Variants in PCDHGA8 observed in about 807,000 individuals in gnomAD.
PCDHGA8 encodes the protein protocadherin gamma subfamily A, 8.
PCDHGA8 carries 45 observed loss-of-function variants against 59.2 expected under a neutral mutation model. That is an observed-to-expected ratio of 0.76 (90% CI 0.60 to 0.98). The LOEUF is 0.98. Among genes scored for constraint, PCDHGA8 ranks in the 50% least tolerant of loss-of-function variants. The pLI, the probability that PCDHGA8 is intolerant of heterozygous loss-of-function variation, is 0.00. For missense variants in PCDHGA8, 1,257 were observed against 1,196.2 expected (o/e 1.05, Z -0.75); for synonymous variants, 531 against 519.0 (o/e 1.02, Z -0.32).
rs1205262995 is a variant in PCDHGA8, at chr5:141,394,475, C to T, written c.1662C>T (p.Asp554=). The T allele has an allele frequency of 6.2e-7, 1 of 1,614,242 alleles. No individual in the cohort carries two copies. The highest frequency in any genetic ancestry group is 1.1e-5 in the South Asian group (1 of 91,090). The change falls in exon 1 of 4, where the codon GAC becomes GAT. Residue 554 remains aspartate, a synonymous_variant. Coordinates refer to ENST00000398604, the MANE Select transcript of PCDHGA8 (RefSeq NM_032088.2). The part of the protein sequence containing the change: ...SNMSLSLFVL[D]QNDNAPEILY... ...TGTCACTGAGCCTGTTCGTGCTGGA[C>T]CAGAATGACAACGCGCCCGAGATCC... is the stretch of plus-strand genomic sequence containing the variant.
chr5:141,434,178 G>C (rs960680568), intron 1 of PCDHGA8, among the ~76,000 whole-genome samples: 1 of 152,178 alleles, frequency 6.6e-6, no homozygotes, highest in African/African-American at 2.4e-5. Flanking sequence ...TTATATCCAA[G>C]ATTTGTAATT....
At chr5:141,471,504 G>A (rs1487198851) in intron 1 of PCDHGA8, 1 of 152,214 alleles carries the variant, frequency 6.6e-6, no homozygotes, top group Non-Finnish European at 1.5e-5. Flanking sequence ...ATGCAAGAGA[G>A]GGAGTAAAAA....
rs765756193 is a variant in PCDHGA8, at chr5:141,511,105, C to T, written c.2731C>T (p.Arg911Trp). The T allele has an allele frequency of 2.8e-5, 46 of 1,614,196 alleles. No individual in the cohort carries two copies. In the East Asian group the frequency reaches 3.1e-4, roughly 11 times the overall value. Residue 911 changes from arginine to tryptophan, a missense_variant, in exon 4 of 4, where the codon CGG becomes TGG. Transcript: ENST00000398604. ...CACACTGACCAACGCAGCTGGCAAG[C>T]GGGATGGCAAGGCCCCAGCAGGTGG... ...NATLTNAAGK[R>W]DGKAPAGGNG...
intron 1 of PCDHGA8, among the ~76,000 whole-genome samples, chr5:141,456,166 G>A (rs531975607): frequency 6.6e-6 from 1 of 152,148 alleles, no homozygotes; most frequent in African/African-American, 2.4e-5. Flanking sequence ...TAAAGTGCTG[G>A]GATTACAGAA....
chr5:141,434,894 C>T (rs1316284716), intron 1 of PCDHGA8, among the ~76,000 whole-genome samples: 1 of 143,118 alleles, frequency 7.0e-6, no homozygotes, highest in East Asian at 2.1e-4. Flanking sequence ...AATCCAGTCC[C>T]CTTCCCTCAT....
intron 1 of PCDHGA8, among the ~76,000 whole-genome samples, chr5:141,396,932 T>C (rs2093455423): frequency 6.6e-6 from 1 of 152,230 alleles, no homozygotes; most frequent in Non-Finnish European, 1.5e-5. Flanking sequence ...CGGATGAAAG[T>C]TGCCCTGGTA....
chr5:141,418,391 T>G, intron 1 of PCDHGA8: 1 of 1,614,010 alleles, frequency 6.2e-7, no homozygotes, highest in Non-Finnish European at 8.5e-7. Context: ...TAACGAGTAT[T>G]TCTCATTGGT....
intron 1 of PCDHGA8, among the ~76,000 whole-genome samples, chr5:141,494,392 A>C (rs1296077484): frequency 1.3e-5 from 2 of 152,258 alleles, no homozygotes; most frequent in East Asian, 3.9e-4. Flanking sequence ...GAGTTGAATA[A>C]ATTCATTCTA....
rs2099745591 is a variant in PCDHGA8, at chr5:141,492,999, T to C, written c.2425-1808T>C. Among the ~76,000 whole-genome samples, 3 of 152,350 alleles carry C rather than the reference T, an allele frequency of 2.0e-5. No homozygotes were observed. In the South Asian group the frequency reaches 6.2e-4, roughly 32 times the overall value. ...CTGTCTCCTCTGGCAGATGGAAAGCTATAGGCTCTGCCAGATGCCAGGGTG... is the reference window on the plus strand; with the variant it reads ...CTGTCTCCTCTGGCAGATGGAAAGCCATAGGCTCTGCCAGATGCCAGGGTG... On this transcript the variant is annotated intron_variant, in intron 1 of 3. Coordinates refer to ENST00000398604, the MANE Select transcript of PCDHGA8 (RefSeq NM_032088.2).
In PCDHGA8 at chr5:141,493,985, C is replaced by A. The variant is rs1444608753; in HGVS notation, c.2425-822C>A. On this transcript the variant is annotated intron_variant, in intron 1 of 3. Coordinates refer to ENST00000398604, the MANE Select transcript of PCDHGA8 (RefSeq NM_032088.2). This position sits in a 1 kb window ranked among gnomAD's most constrained non-coding sequence, Gnocchi z 4.3. ...GCTGGCCAGAGCCCCACACCTTCAGCTAGGTGGGAGATGGCTACACATCAG... is the reference window on the plus strand; with the variant it reads ...GCTGGCCAGAGCCCCACACCTTCAGATAGGTGGGAGATGGCTACACATCAG... Among the ~76,000 whole-genome samples the A allele has an allele frequency of 6.6e-6, 1 of 152,196 alleles. No individual in the cohort carries two copies. The highest frequency in any genetic ancestry group is 1.5e-5 in the Non-Finnish European group (1 of 68,032).
At chr5:141,501,330 CACA>C (rs1301023208) in intron 2 of PCDHGA8, among the ~76,000 whole-genome samples, 82 of 151,502 alleles carry the variant, frequency 5.4e-4, no homozygotes, top group Admixed American at 2.2e-3. Flanking sequence ...CACACACACA[CACA>C]CCCCAAACTC....
chr5:141,463,510 G>A (rs1031854898), intron 1 of PCDHGA8, among the ~76,000 whole-genome samples: 4 of 143,710 alleles, frequency 2.8e-5, no homozygotes, highest in Non-Finnish European at 4.5e-5. Context: ...GTGACGTGGC[G>A]TGATCTCGGC....
At position 141,415,074 on chromosome 5, in the gene PCDHGA8, G is replaced by C; in HGVS notation, c.2424+19837G>C. 3 of 1,613,448 alleles carry C rather than the reference G, an allele frequency of 1.9e-6. No homozygotes were observed. In the South Asian group the frequency reaches 3.3e-5, roughly 18 times the overall value. On this transcript the variant is annotated intron_variant, in intron 1 of 3. Coordinates refer to ENST00000398604, the MANE Select transcript of PCDHGA8 (RefSeq NM_032088.2). ...AGCACACGGGCGAGGTGCGCACGGCGCGAGCCCTGCTGGACAGAGACGCGC... is the reference window on the plus strand; with the variant it reads ...AGCACACGGGCGAGGTGCGCACGGCCCGAGCCCTGCTGGACAGAGACGCGC...
intron 1 of PCDHGA8, chr5:141,427,842 C>A: frequency 6.5e-7 from 1 of 1,549,268 alleles, no homozygotes. Flanking sequence ...TGCCTTCGAC[C>A]ACGAGCAGCT....
At position 141,395,147 on chromosome 5, in the gene PCDHGA8, G is replaced by A; in HGVS notation, c.2334G>A (p.Met778Ile). The A allele has an allele frequency of 6.2e-7, 1 of 1,614,210 alleles. No homozygotes were observed. The highest frequency in any genetic ancestry group is 8.5e-7 in the Non-Finnish European group (1 of 1,180,042). The change falls in exon 1 of 4, where the codon ATG (methionine) becomes ATA (isoleucine). Residue 778 changes from methionine (M) to isoleucine (I), a missense_variant. Coordinates refer to ENST00000398604, the MANE Select transcript of PCDHGA8 (RefSeq NM_032088.2). ...TTCCCCAGCCCAACTACGCAGACATGCTCATCAGTCAGGAGGGCTGTGAGA... is the reference window on the plus strand; with the variant it reads ...TTCCCCAGCCCAACTACGCAGACATACTCATCAGTCAGGAGGGCTGTGAGA... ...LIFPQPNYAD[M>I]LISQEGCEKN...
intron 1 of PCDHGA8, chr5:141,421,678 G>C (rs903229017): frequency 3.7e-6 from 6 of 1,613,776 alleles, no homozygotes; most frequent in Non-Finnish European, 5.1e-6. Context: ...AATTCCTGGG[G>C]CGCGATTTGC....
At chr5:141,430,781 C>G in intron 1 of PCDHGA8, 8 of 1,510,922 alleles carry the variant, frequency 5.3e-6, no homozygotes, top group Non-Finnish European at 7.1e-6. Context: ...GCGACTGCAC[C>G]GGGACTACAA....
At chr5:141,464,430 T>C (rs1213919443) in intron 1 of PCDHGA8, among the ~76,000 whole-genome samples, 1 of 151,680 alleles carries the variant, frequency 6.6e-6, no homozygotes, top group Non-Finnish European at 1.5e-5. Flanking sequence ...TATATAGATA[T>C]ATATGTTTGT....
Position 141,432,082 on chromosome 5 carries a change from C to G in PCDHGA8, c.2424+36845C>G. The G allele has an allele frequency of 1.2e-6, 2 of 1,614,184 alleles. No individual in the cohort carries two copies. The highest frequency in any genetic ancestry group is 1.7e-6 in the Non-Finnish European group (2 of 1,180,028). On this transcript the variant is annotated intron_variant, in intron 1 of 3. Coordinates refer to ENST00000398604, the MANE Select transcript of PCDHGA8 (RefSeq NM_032088.2). This position sits in a 1 kb window ranked among gnomAD's most constrained non-coding sequence, Gnocchi z 6.0. Reference sequence around the variant, plus strand: ...CCACGGAAACTCATATCTCGCTGAACGTGGCAGACACCAACGACAACCCGC... The same window carrying G: ...CCACGGAAACTCATATCTCGCTGAAGGTGGCAGACACCAACGACAACCCGC...
Sources: gnomAD v4.1 joint callset for allele counts (sites outside exome capture counted in the v4.1 genomes callset) on GRCh38, gnomAD v4.1.1 for gene constraint, Gnocchi (gnomAD v3.1) non-coding constraint, MANE v1.5 for transcripts, NCBI Gene and HGNC (gene_info 2026-07-23, HGNC 2026-07-21) for gene names.